HIBCH: variants seen among roughly 807,000 people sequenced by gnomAD.
HIBCH encodes 3-hydroxyisobutyryl-CoA hydrolase, mitochondrial.
A neutral mutation model predicts 58.2 loss-of-function variants in HIBCH; 50 were observed. The observed-to-expected ratio is 0.86, with a 90% CI of 0.68 to 1.09. HIBCH has a LOEUF of 1.09. Ranked by LOEUF, HIBCH falls within the 50% of genes least tolerant of loss-of-function variation. The probability of loss-of-function intolerance (pLI) is 0.00; values close to 1 mark genes in which losing one functional copy is unlikely to be tolerated. For synonymous variants in HIBCH, 151 were observed against 146.9 expected, an observed-to-expected ratio of 1.03 and a Z score of -0.20; for missense variants, 450 against 449.7, an observed-to-expected ratio of 1.00 and a Z score of -0.01.
At chr2:190,252,057 G>T in intron 8 of HIBCH, 105 bp downstream of exon 8, 1 of 1,049,330 alleles carries the variant, frequency 9.5e-7, no homozygotes, top group Non-Finnish European at 1.5e-6. Flanking sequence ...TTCACACCAC[G>T]ATTTCACCAG....
intron 6 of HIBCH, among the ~76,000 whole-genome samples, chr2:190,265,131 A>G (rs1469596597): frequency 1.0e-5 from 1 of 96,764 alleles, no homozygotes. Flanking sequence ...TCAAAAAAAA[A>G]AAAAAAAAAA....
intron 6 of HIBCH, among the ~76,000 whole-genome samples, chr2:190,275,572 A>C (rs1687525531): frequency 6.6e-6 from 1 of 152,208 alleles, no homozygotes. Context: ...GCTAAAATTG[A>C]AGCAAGAACA....
intron 11 of HIBCH, among the ~76,000 whole-genome samples, chr2:190,222,508 G>C (rs1474391961): frequency 6.6e-6 from 1 of 150,820 alleles, no homozygotes; most frequent in Non-Finnish European, 1.5e-5. Context: ...CAGCCAACAA[G>C]CATATGAAAA....
chr2:190,274,855 T>C (rs1263379317), intron 6 of HIBCH, among the ~76,000 whole-genome samples: 1 of 152,228 alleles, frequency 6.6e-6, no homozygotes, highest in African/African-American at 2.4e-5. Flanking sequence ...TCTTGCAATT[T>C]GGTCATCCTT....
intron 11 of HIBCH, among the ~76,000 whole-genome samples, chr2:190,224,727 G>A (rs992363658): frequency 2.0e-5 from 3 of 152,232 alleles, no homozygotes; most frequent in African/African-American, 4.8e-5. Flanking sequence ...GCAGATCAAC[G>A]AGACAGAAAG....
intron 11 of HIBCH, among the ~76,000 whole-genome samples, chr2:190,227,719 A>G (rs1001298587): frequency 1.3e-5 from 2 of 152,218 alleles, no homozygotes; most frequent in African/African-American, 4.8e-5. Flanking sequence ...AAAAAAAATC[A>G]AACAACCCCA....
intron 6 of HIBCH, among the ~76,000 whole-genome samples, chr2:190,264,141 T>G (rs572487328): frequency 1.7e-4 from 26 of 152,310 alleles, no homozygotes; most frequent in Non-Finnish European, 3.2e-4. Flanking sequence ...GTGACTTCCC[T>G]TCACACTAAA....
intron 11 of HIBCH, among the ~76,000 whole-genome samples, chr2:190,230,357 G>A (rs992692493): frequency 6.6e-6 from 1 of 152,164 alleles, no homozygotes; most frequent in Non-Finnish European, 1.5e-5. Context: ...AAGATATTAC[G>A]AACAACATTT....
rs114525046 is a variant in HIBCH at position 190,210,260 on chromosome 2, G to A, written c.1012-1347C>T. On this transcript the variant is annotated intron_variant, in intron 12 of 13. Coordinates refer to ENST00000359678, the MANE Select transcript of HIBCH (RefSeq NM_014362.4). This position sits in a 1 kb window ranked among gnomAD's most constrained non-coding sequence, Gnocchi z 5.5. ...CAAAACCACCCATGACATCGGCATC[G>A]CCAAGGTCAAATGACACTTCTAACC... is the stretch of plus-strand genomic sequence containing the variant. 5.0e-3 allele frequency among the ~76,000 whole-genome samples: 760 copies of A among 152,036 alleles called. 4 individuals are homozygous for A. Among genetic ancestry groups the A allele is most frequent in the African/African-American group, 0.017 (716 of 41,454 alleles).
intron 5 of HIBCH, among the ~76,000 whole-genome samples, chr2:190,288,652 T>C (rs372725111): frequency 2.6e-5 from 4 of 152,018 alleles, no homozygotes; most frequent in South Asian, 2.1e-4. Context: ...CACAGTAAGA[T>C]AGTATTTATG....
Position 190,252,263 on chromosome 2 carries a change from G to A in HIBCH, c.562C>T (p.Gln188Ter), listed in dbSNP as rs1429801127. Residue 188 changes from glutamine (Q) to a stop codon, truncating the protein, a stop_gained, in exon 8 of 14, where the codon CAA (glutamine) becomes TAA (stop). Coordinates refer to ENST00000359678, the MANE Select transcript of HIBCH (RefSeq NM_014362.4). LOFTEE classifies it high-confidence loss of function. ...GCAAGGAAGTAACCAAGTTTTCCTT[G>A]GAGTCGTGGCAAGAAATAACCTCCA... The part of the protein sequence containing the change: ...VGGGYFLPRL[Q>*]GKLGYFLALT... The A allele has an allele frequency of 6.2e-7, 1 of 1,613,540 alleles. No homozygotes were observed. Among genetic ancestry groups the A allele is most frequent in the Non-Finnish European group, 8.5e-7 (1 of 1,179,560 alleles).
chr2:190,235,832 T>C (rs1308697739), intron 11 of HIBCH, among the ~76,000 whole-genome samples: 4 of 152,240 alleles, frequency 2.6e-5, no homozygotes, highest in African/African-American at 9.6e-5. Flanking sequence ...TTTGTGCCTC[T>C]ACTTTAGACA....
intron 9 of HIBCH, 66 bp downstream of exon 9, chr2:190,249,574 C>T: frequency 2.3e-6 from 2 of 857,428 alleles, no homozygotes; most frequent in Non-Finnish European, 2.0e-6. Flanking sequence ...TCACCAACTG[C>T]CAGTTTTTTA....
chr2:190,305,489 T>C (rs1026118566), intron 2 of HIBCH, among the ~76,000 whole-genome samples: 2 of 152,150 alleles, frequency 1.3e-5, no homozygotes, highest in African/African-American at 4.8e-5. Context: ...AAATTTCCCT[T>C]TTATAAGCAT....
chr2:190,199,761 A>G (rs1690156732), downstream of HIBCH: 7 of 1,534,800 alleles, frequency 4.6e-6, no homozygotes, highest in South Asian at 7.8e-5. Flanking sequence ...TGGAGAGGGA[A>G]AGCACTGGTC....
chr2:190,236,411 T>C lies in HIBCH; in HGVS notation c.891+8476A>G, dbSNP rs1293970643. The stretch of plus-strand genomic sequence containing the variant: ...TTAAATCAAACATATTTAAGAGTTA[T>C]GTTCTGCTTTGAACTGTAAATATTT... On this transcript the variant is annotated intron_variant, in intron 11 of 13. Transcript: ENST00000359678. This position sits in a 1 kb window ranked among gnomAD's most constrained non-coding sequence, Gnocchi z 4.1. Among the ~76,000 whole-genome samples the C allele has an allele frequency of 1.3e-5, 2 of 152,248 alleles. No individual in the cohort carries two copies. The highest frequency in any genetic ancestry group is 2.9e-5 in the Non-Finnish European group (2 of 68,036).
chr2:190,298,662 C>T (rs1470336497), intron 2 of HIBCH, among the ~76,000 whole-genome samples: 3 of 151,872 alleles, frequency 2.0e-5, no homozygotes, highest in Non-Finnish European at 4.4e-5. Context: ...GGGTAGATTG[C>T]AAAATTTTTC....
At chr2:190,239,059 G>A (rs1317432175) in intron 11 of HIBCH, among the ~76,000 whole-genome samples, 1 of 152,184 alleles carries the variant, frequency 6.6e-6, no homozygotes, top group Non-Finnish European at 1.5e-5. Context: ...GTCCTGAGTG[G>A]TATTGCCTAG....
intron 7 of HIBCH, among the ~76,000 whole-genome samples, chr2:190,258,076 G>C (rs1686979095): frequency 6.6e-6 from 1 of 152,204 alleles, no homozygotes; most frequent in Non-Finnish European, 1.5e-5. Context: ...GAGGGGCCTG[G>C]TGGAAGGTGA....
Sources: gnomAD v4.1 joint callset for allele counts (sites outside exome capture counted in the v4.1 genomes callset) on GRCh38, gnomAD v4.1.1 for gene constraint, Gnocchi (gnomAD v3.1) non-coding constraint, MANE v1.5 for transcripts, NCBI Gene and HGNC (gene_info 2026-07-23, HGNC 2026-07-21) for gene names.